The following AGO3 variants were observed in gnomAD, a reference collection of about 807,000 sequenced individuals.
AGO3 encodes the protein argonaute RISC catalytic component 3.
AGO3 carries 16 observed loss-of-function variants against 105.5 expected under a neutral mutation model. The ratio of observed to expected loss-of-function variants is 0.15; its 90% confidence interval spans 0.10 to 0.23. The LOEUF (loss-of-function observed/expected upper bound fraction) is 0.23. Ranked by LOEUF, AGO3 falls within the 10% of genes least tolerant of loss-of-function variation. The pLI is 1.00. For missense variants in AGO3, 534 were observed against 1,088.0 expected (o/e 0.49, Z 7.16); for synonymous variants, 340 against 367.3 (o/e 0.93, Z 0.85).
At chr1:35,943,301 CTTTTT>C (rs533801617) in intron 1 of AGO3, among the ~76,000 whole-genome samples, 1 of 124,420 alleles carries the variant, frequency 8.0e-6, no homozygotes. Flanking sequence ...CCATGCCCAT[CTTTTT>C]TTTTTTTTTT....
chr1:36,052,824 C>T (rs1642771244), intron 17 of AGO3, among the ~76,000 whole-genome samples: 1 of 152,040 alleles, frequency 6.6e-6, no homozygotes, highest in South Asian at 2.1e-4. Flanking sequence ...CCAGTCTGGG[C>T]AACATGGCAA....
intron 1 of AGO3, 107 bp downstream of exon 1, chr1:35,931,552 G>T (rs957748912): frequency 9.3e-6 from 11 of 1,178,008 alleles, no homozygotes; most frequent in Non-Finnish European, 1.2e-5. Flanking sequence ...GCGTCGGGCG[G>T]GCATCGCTCG....
intron 2 of AGO3, among the ~76,000 whole-genome samples, chr1:35,955,449 GAACT>G (rs1435520128): frequency 6.6e-6 from 1 of 152,052 alleles, no homozygotes; most frequent in East Asian, 1.9e-4. Context: ...ATTTTGAAAT[GAACT>G]ATTTAAAAAT....
At chr1:35,953,283 A>G (rs74901937) in intron 2 of AGO3, among the ~76,000 whole-genome samples, 1 of 152,072 alleles carries the variant, frequency 6.6e-6, no homozygotes, top group Non-Finnish European at 1.5e-5. Context: ...AAAAAAAAAA[A>G]GAAGGCAGTG....
intron 2 of AGO3, among the ~76,000 whole-genome samples, chr1:35,947,411 T>G (rs776289385): frequency 6.6e-6 from 1 of 152,178 alleles, no homozygotes; most frequent in African/African-American, 2.4e-5. Context: ...TGCCCTACTC[T>G]TCTGTGACCT....
At chr1:35,984,913 G>A (rs181285750) in intron 5 of AGO3, among the ~76,000 whole-genome samples, 1 of 152,296 alleles carries the variant, frequency 6.6e-6, no homozygotes, top group East Asian at 1.9e-4. Context: ...AGGTCTCTAA[G>A]ATATTATAAA....
At chr1:36,007,776 G>A (rs1316121274) in intron 6 of AGO3, among the ~76,000 whole-genome samples, 2 of 152,000 alleles carry the variant, frequency 1.3e-5, no homozygotes, top group Non-Finnish European at 2.9e-5. Flanking sequence ...CATGTTATTA[G>A]TGATTACCAT....
intron 2 of AGO3, among the ~76,000 whole-genome samples, chr1:35,952,250 A>G (rs1646488365): frequency 6.8e-6 from 1 of 148,112 alleles, no homozygotes; most frequent in Admixed American, 6.9e-5. Flanking sequence ...GAGTTCAAGC[A>G]GTTCTCCTCA....
At chr1:35,987,776 AAAAG>A (rs1480726408) in intron 5 of AGO3, among the ~76,000 whole-genome samples, 2 of 151,852 alleles carry the variant, frequency 1.3e-5, no homozygotes, top group African/African-American at 4.8e-5. Flanking sequence ...TAAAAAAAAA[AAAAG>A]ACCTATGGGC....
chr1:36,021,238 A>C (rs1406246946), intron 11 of AGO3, among the ~76,000 whole-genome samples: 1 of 152,108 alleles, frequency 6.6e-6, no homozygotes, highest in African/African-American at 2.4e-5. Context: ...AGCCGCCATT[A>C]CTTTGAACAG....
intron 5 of AGO3, among the ~76,000 whole-genome samples, chr1:35,995,753 C>T (rs1648272934): frequency 6.6e-6 from 1 of 152,154 alleles, no homozygotes; most frequent in Non-Finnish European, 1.5e-5. Context: ...ACTTGGCTCA[C>T]TGCAACCTCT....
chr1:36,026,520 T>C (rs1641512371), intron 11 of AGO3, among the ~76,000 whole-genome samples: 1 of 152,228 alleles, frequency 6.6e-6, no homozygotes, highest in Non-Finnish European at 1.5e-5. Flanking sequence ...GGCTCTACCA[T>C]TTGTCTAATC....
At chr1:35,967,411 T>G (rs1646794205) in intron 3 of AGO3, among the ~76,000 whole-genome samples, 1 of 151,688 alleles carries the variant, frequency 6.6e-6, no homozygotes, top group African/African-American at 2.4e-5. Context: ...TTATTTTATT[T>G]TATTTTATTT....
chr1:36,047,061 A>G (rs1316822410), intron 17 of AGO3, among the ~76,000 whole-genome samples: 1 of 152,088 alleles, frequency 6.6e-6, no homozygotes, highest in East Asian at 1.9e-4. Flanking sequence ...CCTGACCAAC[A>G]TGGAGAAAAC....
chr1:36,022,139 C>G (rs926098772), intron 11 of AGO3, among the ~76,000 whole-genome samples: 1 of 144,068 alleles, frequency 6.9e-6, no homozygotes, highest in Non-Finnish European at 1.5e-5. Flanking sequence ...GACCATGGCT[C>G]ACTGCGCCTC....
chr1:35,938,989 G>A (rs1026354941), intron 1 of AGO3, among the ~76,000 whole-genome samples: 3 of 152,064 alleles, frequency 2.0e-5, no homozygotes, highest in Admixed American at 2.0e-4. Context: ...TTGAAATTTA[G>A]TTTGGTTAGT....
At chr1:35,978,482 G>C (rs955444778) in intron 5 of AGO3, among the ~76,000 whole-genome samples, 1 of 152,114 alleles carries the variant, frequency 6.6e-6, no homozygotes, top group Non-Finnish European at 1.5e-5. Flanking sequence ...GTGAGCCACC[G>C]CATCTGGCCT....
chr1:36,025,469 A>G (rs1172259033), intron 11 of AGO3, among the ~76,000 whole-genome samples: 2 of 150,004 alleles, frequency 1.3e-5, no homozygotes, highest in Non-Finnish European at 3.0e-5. Context: ...TTTATTTTTC[A>G]TTTTATATTT....
chr1:36,042,321 A>G (rs1054093450), intron 16 of AGO3, among the ~76,000 whole-genome samples: 2 of 152,092 alleles, frequency 1.3e-5, no homozygotes, highest in Admixed American at 1.3e-4. Context: ...CTGGTTTCAA[A>G]TGATCCGCCC....
Sources: allele counts gnomAD v4.1 joint callset (sites outside exome capture counted in the v4.1 genomes callset), GRCh38; gene constraint gnomAD v4.1.1; transcripts MANE v1.5; gene names NCBI Gene and HGNC (gene_info 2026-07-23, HGNC 2026-07-21).